NRXN3: variants seen among roughly 807,000 people sequenced by gnomAD.
NRXN3 encodes the protein neurexin 3, also known as neurexin III.
Under a neutral mutation model 137.6 loss-of-function variants are expected in NRXN3, and 32 were observed. The ratio of observed to expected loss-of-function variants is 0.23; its 90% CI spans 0.18 to 0.31. The LOEUF is 0.31. NRXN3 is among the 10% of genes least tolerant of loss of function. The pLI is 1.00. For synonymous variants in NRXN3, 798 were observed against 784.5 expected (o/e 1.02, Z -0.29); for missense variants, 1,574 against 2,062.5 (o/e 0.76, Z 4.59).
At chr14:79,091,681 C>G (rs1477655910) in intron 15 of NRXN3, among the ~76,000 whole-genome samples, 1 of 152,024 alleles carries the variant, frequency 6.6e-6, no homozygotes, top group African/African-American at 2.4e-5. Context: ...ATAATTATAG[C>G]CAGGAGATAT....
chr14:79,681,006 C>A (rs1416943583), intron 17 of NRXN3, among the ~76,000 whole-genome samples: 2 of 152,196 alleles, frequency 1.3e-5, no homozygotes, highest in Non-Finnish European at 2.9e-5. Context: ...CATGCATCAA[C>A]CTTTCTCCAA....
chr14:79,135,943 C>T (rs2058179923), intron 15 of NRXN3, among the ~76,000 whole-genome samples: 1 of 152,158 alleles, frequency 6.6e-6, no homozygotes, highest in African/African-American at 2.4e-5. Flanking sequence ...TATCCTGCTT[C>T]CTTGTAATTA....
At chr14:78,436,350 T>C (rs1318603950) in intron 4 of NRXN3, among the ~76,000 whole-genome samples, 1 of 152,226 alleles carries the variant, frequency 6.6e-6, no homozygotes, top group African/African-American at 2.4e-5. Flanking sequence ...AATTATATTC[T>C]AAGCACATTA....
intron 18 of NRXN3, among the ~76,000 whole-genome samples, chr14:79,695,028 T>C (rs1171279070): frequency 1.3e-5 from 2 of 152,008 alleles, no homozygotes; most frequent in African/African-American, 2.4e-5. Flanking sequence ...CAGATCTCTC[T>C]GGGAAAGTAG....
chr14:78,927,575 T>C (rs557353402), intron 10 of NRXN3, among the ~76,000 whole-genome samples: 1 of 152,304 alleles, frequency 6.6e-6, no homozygotes, highest in South Asian at 2.1e-4. Flanking sequence ...TTGAGAGTTT[T>C]GGCTCTTGAG....
At chr14:78,700,147 G>A (rs923226317) in intron 6 of NRXN3, among the ~76,000 whole-genome samples, 3 of 152,194 alleles carry the variant, frequency 2.0e-5, no homozygotes, top group Non-Finnish European at 4.4e-5. Flanking sequence ...GGCAGCAATT[G>A]TGTCTCATGG....
intron 16 of NRXN3, among the ~76,000 whole-genome samples, chr14:79,472,720 C>A (rs1223499787): frequency 2.0e-5 from 3 of 152,132 alleles, no homozygotes; most frequent in African/African-American, 7.2e-5. Flanking sequence ...CGAGTGACAT[C>A]TGCCTATTGA....
chr14:78,814,786 G>T (rs2098926587), intron 10 of NRXN3, among the ~76,000 whole-genome samples: 1 of 152,134 alleles, frequency 6.6e-6, no homozygotes, highest in South Asian at 2.1e-4. Flanking sequence ...GTGCGCAAGT[G>T]AAAGTATGGA....
intron 4 of NRXN3, among the ~76,000 whole-genome samples, chr14:78,460,740 T>G (rs1331011432): frequency 6.6e-6 from 1 of 152,198 alleles, no homozygotes; most frequent in Admixed American, 6.5e-5. Flanking sequence ...ATTCTATCCC[T>G]GTTGGGTCAA....
intron 15 of NRXN3, among the ~76,000 whole-genome samples, chr14:79,330,713 AAG>A (rs2091554168): frequency 6.6e-6 from 1 of 152,186 alleles, no homozygotes; most frequent in South Asian, 2.1e-4. Context: ...AGAGAAGAGA[AAG>A]AAAAAGAAAG....
chr14:78,318,745 T>C (rs1429684986), intron 4 of NRXN3, among the ~76,000 whole-genome samples: 1 of 152,142 alleles, frequency 6.6e-6, no homozygotes, highest in Admixed American at 6.5e-5. Flanking sequence ...TAGAACAGAA[T>C]GAGTTCCCTA....
chr14:78,675,132 G>T (rs1235180158), intron 6 of NRXN3, among the ~76,000 whole-genome samples: 1 of 152,062 alleles, frequency 6.6e-6, no homozygotes, highest in Admixed American at 6.6e-5. Context: ...AGCTCTCTCT[G>T]GTCTCCTTGT....
intron 4 of NRXN3, among the ~76,000 whole-genome samples, chr14:78,448,375 G>A (rs17107614): frequency 0.076 from 11,595 of 152,278 alleles, 597 homozygotes; most frequent in East Asian, 0.31. Context: ...GTTGCTGGAG[G>A]AGGTGACTCA....
chr14:79,422,697 CTTTTTTTTT>C (rs1185262366), intron 15 of NRXN3, among the ~76,000 whole-genome samples: 2 of 130,158 alleles, frequency 1.5e-5, no homozygotes. Context: ...GTTCCACATT[CTTTTTTTTT>C]TTTTTTTTTT....
At chr14:79,681,376 T>C (rs1262752432) in intron 17 of NRXN3, among the ~76,000 whole-genome samples, 2 of 152,134 alleles carry the variant, frequency 1.3e-5, no homozygotes, top group Admixed American at 6.5e-5. Flanking sequence ...CACTCCAAAA[T>C]TTCCGTGGCT....
intron 16 of NRXN3, among the ~76,000 whole-genome samples, chr14:79,529,759 TAG>T (rs1166823834): frequency 1.3e-5 from 2 of 152,214 alleles, no homozygotes; most frequent in African/African-American, 4.8e-5. Context: ...GAATGAGGTC[TAG>T]AGAGAGAATT....
intron 4 of NRXN3, among the ~76,000 whole-genome samples, chr14:78,328,160 C>T (rs1452369117): frequency 6.6e-6 from 1 of 152,158 alleles, no homozygotes; most frequent in Non-Finnish European, 1.5e-5. Flanking sequence ...TCATCTTGCT[C>T]TAAATCATAG....
chr14:78,645,141 C>T lies in NRXN3; in HGVS notation c.779C>T (p.Thr260Ile). ...SEQAREENVA[T>I]FRGSEYLCYD... is the part of the protein sequence containing the mutation. ...ATAGCTCGAGAGGAGAATGTGGCCACTTTCCGAGGCTCAGAGTATCTGTGC... is the reference window on the plus strand; with the variant it reads ...ATAGCTCGAGAGGAGAATGTGGCCATTTTCCGAGGCTCAGAGTATCTGTGC... Residue 260 changes from threonine (T) to isoleucine (I), a missense_variant, in exon 5 of 21, where the codon ACT (threonine) becomes ATT (isoleucine). Coordinates refer to ENST00000335750, the MANE Select transcript of NRXN3 (RefSeq NM_001330195.2). The T allele has an allele frequency of 6.4e-7, 1 of 1,568,746 alleles. No homozygotes were observed. Among genetic ancestry groups the T allele is most frequent in the Non-Finnish European group, 8.6e-7 (1 of 1,163,508 alleles).
intron 19 of NRXN3, among the ~76,000 whole-genome samples, chr14:79,737,499 A>C (rs914092505): frequency 6.6e-6 from 1 of 152,294 alleles, no homozygotes; most frequent in Middle Eastern, 3.4e-3. Context: ...TATTATGCCA[A>C]TATATATTGT....
Sources: allele counts gnomAD v4.1 joint callset (sites outside exome capture counted in the v4.1 genomes callset), GRCh38; gene constraint gnomAD v4.1.1; transcripts MANE v1.5; gene names NCBI Gene and HGNC (gene_info 2026-07-23, HGNC 2026-07-21).